Variants in GINS1 observed in about 807,000 individuals in gnomAD.
The protein encoded by GINS1 is GINS complex subunit 1.
A neutral mutation model predicts 34.9 loss-of-function variants in GINS1; 26 were observed. The ratio of observed to expected loss-of-function variants is 0.74; its 90% confidence interval spans 0.55 to 1.03. The LOEUF is 1.03. Among genes scored for constraint, GINS1 ranks in the 50% least tolerant of loss-of-function variants. The pLI is 0.00. For missense variants in GINS1, 235 were observed against 237.9 expected, an observed-to-expected ratio of 0.99 and a Z score of 0.08; for synonymous variants, 97 against 84.4, an observed-to-expected ratio of 1.15 and a Z score of -0.82.
At chr20:25,438,611 C>T (rs992868204) in intron 5 of GINS1, among the ~76,000 whole-genome samples, 9 of 144,682 alleles carry the variant, frequency 6.2e-5, no homozygotes, top group African/African-American at 2.1e-4. Flanking sequence ...TATTTAGGAC[C>T]TGGAATCAGC....
intron 5 of GINS1, among the ~76,000 whole-genome samples, chr20:25,433,791 A>G (rs1420405157): frequency 1.3e-5 from 2 of 152,156 alleles, no homozygotes; most frequent in African/African-American, 4.8e-5. Context: ...CTCCATCCTT[A>G]TTTCTATTGT....
chr20:25,430,241 G>T (rs1464458539), intron 5 of GINS1, among the ~76,000 whole-genome samples: 1 of 152,128 alleles, frequency 6.6e-6, no homozygotes, highest in African/African-American at 2.4e-5. Context: ...TGAATATGAT[G>T]TTTGCTGTAG....
chr20:25,440,684 G>A (rs1302643507), intron 5 of GINS1, among the ~76,000 whole-genome samples: 1 of 151,670 alleles, frequency 6.6e-6, no homozygotes, highest in Non-Finnish European at 1.5e-5. Flanking sequence ...GGTGGTGAGC[G>A]CCTGTAATCC....
chr20:25,409,109 A>G, intron 1 of GINS1: 1 of 832,748 alleles, frequency 1.2e-6, no homozygotes, highest in Non-Finnish European at 1.4e-6. Flanking sequence ...GCTGCAGCAC[A>G]AAGTCACGTG....
chr20:25,411,475 T>C (rs1241518540), intron 1 of GINS1, among the ~76,000 whole-genome samples: 2 of 152,168 alleles, frequency 1.3e-5, no homozygotes, highest in Non-Finnish European at 2.9e-5. Context: ...TGCTTCTCTT[T>C]CGATTGTTGG....
chr20:25,409,549 G>A (rs1345230461), intron 1 of GINS1, among the ~76,000 whole-genome samples: 4 of 152,224 alleles, frequency 2.6e-5, no homozygotes, highest in African/African-American at 9.6e-5. Context: ...TCAGAGTTCA[G>A]GAGATAGAGT....
At chr20:25,426,745 G>C (rs748262558) in intron 5 of GINS1, among the ~76,000 whole-genome samples, 3 of 151,640 alleles carry the variant, frequency 2.0e-5, no homozygotes, top group African/African-American at 4.8e-5. Flanking sequence ...GGCTGGTCTC[G>C]AACTCCCGAG....
chr20:25,410,671 C>G (rs1343374037), intron 1 of GINS1, among the ~76,000 whole-genome samples: 5 of 152,110 alleles, frequency 3.3e-5, no homozygotes, highest in Admixed American at 1.3e-4. Context: ...AAGCAATTCT[C>G]CTGCCTCAGC....
At chr20:25,424,250 T>A (rs1466430765) in intron 4 of GINS1, among the ~76,000 whole-genome samples, 2 of 152,220 alleles carry the variant, frequency 1.3e-5, no homozygotes, top group African/African-American at 4.8e-5. Context: ...TTGTTCTTTT[T>A]TGAGAGCATT....
At chr20:25,428,533 A>G (rs1210494432) in intron 5 of GINS1, among the ~76,000 whole-genome samples, 1 of 149,768 alleles carries the variant, frequency 6.7e-6, no homozygotes, top group African/African-American at 2.5e-5. Context: ...CCTCCCGAGT[A>G]GCTGGGACCA....
chr20:25,441,744 G>T lies in GINS1; in HGVS notation c.490G>T (p.Gly164Cys). 1 of 1,565,046 alleles carries T rather than the reference G, an allele frequency of 6.4e-7. No individual in the cohort carries two copies. The highest frequency in any genetic ancestry group is 8.7e-7 in the Non-Finnish European group (1 of 1,143,574). ...KDYGEFEVDD[G>C]TSVLLKKNSQ... Reference sequence around the variant, plus strand: ...CTATGGAGAATTTGAAGTTGATGATGGCACTTCAGTCCTATTAAAAAAAAA... The same window carrying T: ...CTATGGAGAATTTGAAGTTGATGATTGCACTTCAGTCCTATTAAAAAAAAA... Residue 164 changes from glycine to cysteine, a missense_variant, in exon 6 of 7, where the codon GGC (glycine) becomes TGC (cysteine). Physicochemically the swap from Gly to Cys is radical, Grantham distance 159. Coordinates refer to ENST00000262460, the MANE Select transcript of GINS1 (RefSeq NM_021067.5).
chr20:25,423,561 C>T (rs1470183797), intron 4 of GINS1, among the ~76,000 whole-genome samples: 4 of 132,028 alleles, frequency 3.0e-5, no homozygotes, highest in South Asian at 2.6e-4. Context: ...CTCCACCTCC[C>T]GGGTTCAAGC....
intron 5 of GINS1, among the ~76,000 whole-genome samples, chr20:25,428,558 G>A (rs909630525): frequency 3.3e-5 from 5 of 151,172 alleles, no homozygotes; most frequent in Admixed American, 6.6e-5. Context: ...TGCCCACCAC[G>A]ACGCCCAGCT....
chr20:25,438,876 C>T (rs2090467883), intron 5 of GINS1, among the ~76,000 whole-genome samples: 1 of 151,960 alleles, frequency 6.6e-6, no homozygotes, highest in African/African-American at 2.4e-5. Flanking sequence ...GCCTGGCCAA[C>T]AAAAATTTTA....
In GINS1 at chr20:25,413,362, A is replaced by G. The variant is rs113834600; in HGVS notation, c.76-428A>G. On this transcript the variant is annotated intron_variant, in intron 1 of 6. Coordinates refer to ENST00000262460, the MANE Select transcript of GINS1 (RefSeq NM_021067.5). ...CCACCCTTGACCCATTCTTTTTATT[A>G]TATTAGATTTTTCAGATAAGTGGAA... is the stretch of plus-strand genomic sequence containing the variant. 7.1e-3 allele frequency: 1,108 copies of G among 156,674 alleles called. 8 individuals carry two copies. Among genetic ancestry groups the G allele is most frequent in the Middle Eastern group, 0.02 (6 of 304 alleles). 9.7% of individuals were successfully genotyped at this position (156,674 alleles called of 1,614,324 possible). A position where few individuals can be genotyped will look rare whatever the true frequency, so the allele number is the denominator to read the frequency against.
chr20:25,424,259 T>G (rs1427958241), intron 4 of GINS1, among the ~76,000 whole-genome samples: 1 of 152,196 alleles, frequency 6.6e-6, no homozygotes, highest in Non-Finnish European at 1.5e-5. Context: ...TTTGAGAGCA[T>G]TTCAACTATT....
chr20:25,409,093 A>G (rs1056849989), intron 1 of GINS1: 2 of 923,036 alleles, frequency 2.2e-6, no homozygotes, highest in African/African-American at 3.6e-5. Context: ...ATCCCAGCCA[A>G]AGGATGCTGC....
chr20:25,417,581 C>T (rs1398113108), intron 3 of GINS1, among the ~76,000 whole-genome samples: 3 of 152,072 alleles, frequency 2.0e-5, no homozygotes, highest in African/African-American at 7.2e-5. Flanking sequence ...TTTGGCCAGG[C>T]ACAGTGGCTC....
intron 5 of GINS1, among the ~76,000 whole-genome samples, chr20:25,429,709 GTT>G (rs1183453155): frequency 6.6e-6 from 1 of 152,072 alleles, no homozygotes; most frequent in African/African-American, 2.4e-5. Context: ...AGTTCTAAAA[GTT>G]TTTTGTGGAA....
Sources: allele counts gnomAD v4.1 joint callset (sites outside exome capture counted in the v4.1 genomes callset), GRCh38; gene constraint gnomAD v4.1.1; transcripts MANE v1.5; gene names NCBI Gene and HGNC (gene_info 2026-07-23, HGNC 2026-07-21).